The following KLHL29 variants were observed in gnomAD, a reference collection of about 807,000 sequenced individuals.
KLHL29 encodes kelch like family member 29, also known as kelch-like protein 29.
In KLHL29, 21 loss-of-function variants were observed where a neutral mutation model predicts 80.4. The observed-to-expected ratio is 0.26, with a 90% CI of 0.19 to 0.38. The LOEUF (loss-of-function observed/expected upper bound fraction) is 0.38. KLHL29 is among the 10% of genes least tolerant of loss of function. KLHL29 has a pLI of 1.00. For synonymous variants in KLHL29, 511 were observed against 526.8 expected, an observed-to-expected ratio of 0.97 and a Z score of 0.41; for missense variants, 867 against 1,223.9, an observed-to-expected ratio of 0.71 and a Z score of 4.35.
intron 2 of KLHL29, among the ~76,000 whole-genome samples, chr2:23,533,198 T>C (rs1342219707): frequency 2.0e-5 from 3 of 152,040 alleles, no homozygotes; most frequent in Non-Finnish European, 4.4e-5. Context: ...AGAGAAACCA[T>C]GCGTATGTGT....
At chr2:23,451,182 G>T (rs1013448034) in intron 1 of KLHL29, among the ~76,000 whole-genome samples, 3 of 152,108 alleles carry the variant, frequency 2.0e-5, no homozygotes, top group Admixed American at 6.5e-5. Flanking sequence ...TTGTTTTTAG[G>T]TAAGTGACTT....
intron 1 of KLHL29, among the ~76,000 whole-genome samples, chr2:23,429,416 G>A (rs1402310691): frequency 1.3e-5 from 2 of 152,224 alleles, no homozygotes; most frequent in Non-Finnish European, 2.9e-5. Flanking sequence ...TTCTACAGAT[G>A]TTTCTTTTGT....
At chr2:23,449,902 G>A (rs1204441097) in intron 1 of KLHL29, among the ~76,000 whole-genome samples, 1 of 152,112 alleles carries the variant, frequency 6.6e-6, no homozygotes, top group African/African-American at 2.4e-5. Flanking sequence ...GCTATCTAGC[G>A]AGGCTCTGCC....
chr2:23,688,367 C>T (rs1671374804), intron 6 of KLHL29, among the ~76,000 whole-genome samples: 1 of 152,214 alleles, frequency 6.6e-6, no homozygotes, highest in East Asian at 1.9e-4. Flanking sequence ...CCATGGATTC[C>T]TCTCATTGCT....
chr2:23,517,903 G>A (rs1408868563), intron 2 of KLHL29, among the ~76,000 whole-genome samples: 4 of 152,204 alleles, frequency 2.6e-5, no homozygotes, highest in Non-Finnish European at 4.4e-5. Flanking sequence ...GAGATGGAGA[G>A]TGAAGTAGGT....
chr2:23,463,432 A>G (rs1664269598), intron 1 of KLHL29, among the ~76,000 whole-genome samples: 2 of 152,212 alleles, frequency 1.3e-5, no homozygotes, highest in African/African-American at 2.4e-5. Context: ...ATAGAAGGCA[A>G]CACCTTGTTG....
chr2:23,412,557 C>G (rs1666890714), intron 1 of KLHL29, among the ~76,000 whole-genome samples: 1 of 152,112 alleles, frequency 6.6e-6, no homozygotes, highest in Admixed American at 6.5e-5. Context: ...TGGGAGGACC[C>G]CAGGACCACT....
rs537352443 is a variant in KLHL29, at chr2:23,425,220, AT to A, written c.-154+39448del. On this transcript the variant is annotated intron_variant, in intron 1 of 13. Transcript: ENST00000486442. ...TAAGCCATGCAAAAATGATAAAATG[AT>A]TTTTTTTAATTGTAGGGGGTTTGTG... Among the ~76,000 whole-genome samples, 15 of 152,268 alleles carry A rather than the reference AT, an allele frequency of 9.9e-5. No individual in the cohort carries two copies. The East Asian group carries it at 1.2e-3, about 12-fold the overall frequency.
chr2:23,651,884 G>A (rs1670097581), intron 5 of KLHL29, among the ~76,000 whole-genome samples: 1 of 152,112 alleles, frequency 6.6e-6, no homozygotes, highest in East Asian at 1.9e-4. Flanking sequence ...TTCTTAGAAG[G>A]ACAGCAGTCC....
intron 2 of KLHL29, chr2:23,524,140 G>A (rs535256045): frequency 3.0e-5 from 13 of 434,418 alleles, no homozygotes; most frequent in African/African-American, 1.4e-4. Flanking sequence ...CCCATTTCTC[G>A]GAAAAGGAAG....
Position 23,657,747 on chromosome 2 carries a change from C to G in KLHL29, c.940+14897C>G, listed in dbSNP as rs368821388. ...CTCACCCCCTGGGCCCAGTGCTCCC[C>G]CAGAGCACTGAGAGCTGTGCCTCGG... is the stretch of plus-strand genomic sequence containing the variant. On this transcript the variant is annotated intron_variant, in intron 5 of 13. Coordinates refer to ENST00000486442, the MANE Select transcript of KLHL29 (RefSeq NM_052920.2). Among the ~76,000 whole-genome samples, 14 of 152,266 alleles carry G rather than the reference C, an allele frequency of 9.2e-5. 1 individual carries two copies. The East Asian group carries it at 2.3e-3, about 25-fold the overall frequency.
At chr2:23,675,763 C>G (rs548933256) in intron 5 of KLHL29, among the ~76,000 whole-genome samples, 3 of 152,218 alleles carry the variant, frequency 2.0e-5, no homozygotes, top group Non-Finnish European at 4.4e-5. Flanking sequence ...GCATACGAAG[C>G]GCAGGGTTAT....
intron 2 of KLHL29, among the ~76,000 whole-genome samples, chr2:23,490,748 G>A (rs1353178820): frequency 6.6e-6 from 1 of 152,114 alleles, no homozygotes; most frequent in Non-Finnish European, 1.5e-5. Context: ...TATTAATGCT[G>A]GTTCATACCC....
In KLHL29 at chr2:23,385,711, G is replaced by A. The variant is rs1018220117; in HGVS notation, c.-223G>A. On this transcript the variant is annotated 5_prime_UTR_variant, in exon 1 of 14. Coordinates refer to ENST00000486442, the MANE Select transcript of KLHL29 (RefSeq NM_052920.2). ...CGCCGGCGCTGTCCGCTCTCCATCA[G>A]CCCTCCTGCGCCCACCCGCGACCCC... The A allele has an allele frequency of 2.4e-5, 4 of 163,602 alleles. No homozygotes were observed. The highest frequency in any genetic ancestry group is 5.9e-5 in the Non-Finnish European group (4 of 68,078). 10.1% of individuals were successfully genotyped at this position (163,602 alleles called of 1,614,324 possible).
At chr2:23,436,224 T>C (rs942100227) in intron 1 of KLHL29, among the ~76,000 whole-genome samples, 1 of 152,154 alleles carries the variant, frequency 6.6e-6, no homozygotes, top group African/African-American at 2.4e-5. Context: ...GCTGAGCATG[T>C]TGCTGATACT....
intron 3 of KLHL29, among the ~76,000 whole-genome samples, chr2:23,619,641 A>G (rs1669117912): frequency 6.6e-6 from 1 of 151,424 alleles, no homozygotes; most frequent in East Asian, 2.0e-4. Flanking sequence ...TTGGTGAAAA[A>G]TCAATGTCTG....
intron 1 of KLHL29, among the ~76,000 whole-genome samples, chr2:23,392,365 G>A (rs1040038443): frequency 6.6e-6 from 1 of 152,174 alleles, no homozygotes; most frequent in African/African-American, 2.4e-5. Flanking sequence ...AATTCCAATA[G>A]TTAAAAATAC....
rs1429823107 is a variant in KLHL29, at chr2:23,562,934, G to A, written c.285+453G>A. Among the ~76,000 whole-genome samples the A allele has an allele frequency of 6.6e-6, 1 of 152,128 alleles. No homozygotes were observed. The highest frequency in any genetic ancestry group is 1.5e-5 in the Non-Finnish European group (1 of 68,034). ...CACACTTTATTAACCACTGGGCCTC[G>A]TGTTCTCATATCCGTTGTCTCTTCT... On this transcript the variant is annotated intron_variant, in intron 3 of 13. Coordinates refer to ENST00000486442, the MANE Select transcript of KLHL29 (RefSeq NM_052920.2). This position sits in a 1 kb window ranked among gnomAD's most constrained non-coding sequence, Gnocchi z 4.5.
At chr2:23,550,588 G>A (rs542113980) in intron 2 of KLHL29, among the ~76,000 whole-genome samples, 206 of 152,332 alleles carry the variant, frequency 1.4e-3, no homozygotes, top group African/African-American at 4.6e-3. Flanking sequence ...AGTCTCTCCC[G>A]AGGAAGATAA....
Sources: gnomAD v4.1 joint callset for allele counts (sites outside exome capture counted in the v4.1 genomes callset) on GRCh38, gnomAD v4.1.1 for gene constraint, Gnocchi (gnomAD v3.1) non-coding constraint, MANE v1.5 for transcripts, NCBI Gene and HGNC (gene_info 2026-07-23, HGNC 2026-07-21) for gene names.